The following ALK variants were observed in gnomAD, a reference collection of about 807,000 sequenced individuals.
ALK encodes ALK tyrosine kinase receptor.
Under a neutral mutation model 163.1 loss-of-function variants are expected in ALK, and 74 were observed. The observed-to-expected ratio is 0.45, with a 90% confidence interval of 0.38 to 0.55. The LOEUF is 0.55. Among genes scored for constraint, ALK ranks in the 20% least tolerant of loss-of-function variants. The probability of loss-of-function intolerance (pLI) is 0.00; values close to 1 mark genes in which losing one functional copy is unlikely to be tolerated. For synonymous variants in ALK, 960 were observed against 843.2 expected (o/e 1.14, Z -2.40); for missense variants, 2,063 against 2,105.3 (o/e 0.98, Z 0.39).
intron 1 of ALK, among the ~76,000 whole-genome samples, chr2:29,811,986 A>G (rs1664772133): frequency 1.3e-5 from 2 of 152,216 alleles, no homozygotes; most frequent in African/African-American, 4.8e-5. Context: ...TGAAACACAC[A>G]TGGCAAAGAT....
intron 3 of ALK, 137 bp downstream of exon 3, chr2:29,694,713 G>C (rs1212407672): frequency 4.2e-6 from 5 of 1,177,612 alleles, no homozygotes; most frequent in Non-Finnish European, 6.2e-6. Context: ...AGAAGCCATG[G>C]AAAGTCACAG....
rs564223229 is a variant in ALK, at chr2:29,396,441, C to T, written c.1155-12582G>A. 3.3e-5 allele frequency among the ~76,000 whole-genome samples: 5 copies of T among 152,186 alleles called. No individual in the cohort carries two copies. In the East Asian group the frequency reaches 5.8e-4, roughly 18 times the overall value. On this transcript the variant is annotated intron_variant, in intron 4 of 28. Transcript: ENST00000389048. ...CTGTAATCCCAGCACTTTAGGAGGC[C>T]GAGGTGGGCGGATCACGAGGTCAGG...
Position 29,522,000 on chromosome 2 carries a change from A to T in ALK, c.1154+9915T>A, listed in dbSNP as rs78813390. ...TCAAAGCCTTATAACTTTGCCATTT[A>T]TTGCGGACAGGAAGGACTGTATGCA... On this transcript the variant is annotated intron_variant, in intron 4 of 28. Coordinates refer to ENST00000389048, the MANE Select transcript of ALK (RefSeq NM_004304.5). Among the ~76,000 whole-genome samples, 1,039 of 152,316 alleles carry T rather than the reference A, an allele frequency of 6.8e-3. 19 individuals are homozygous for T. Among genetic ancestry groups the T allele is most frequent in the African/African-American group, 0.023 (960 of 41,576 alleles).
At chr2:29,785,000 G>A (rs1191732666) in intron 1 of ALK, among the ~76,000 whole-genome samples, 4 of 151,814 alleles carry the variant, frequency 2.6e-5, no homozygotes, top group Non-Finnish European at 5.9e-5. Flanking sequence ...GGATCAAGTC[G>A]AGCTGCCCTG....
At chr2:29,328,310 G>C (rs1228660278) in intron 6 of ALK, 40 bp downstream of exon 6, 3 of 1,613,722 alleles carry the variant, frequency 1.9e-6, no homozygotes, top group African/African-American at 2.7e-5. Context: ...TATGAGCATG[G>C]GCTGGGCTCA....
At chr2:29,209,409 G>A (rs559621640) in intron 25 of ALK, among the ~76,000 whole-genome samples, 1 of 152,034 alleles carries the variant, frequency 6.6e-6, no homozygotes. Context: ...AGGCATGGTG[G>A]TGCATGCCTG....
chr2:29,229,903 CTG>C lies in ALK; in HGVS notation c.2633-839_2633-838del, dbSNP rs202142588. ...CCTGGCAACAAAGGCAGCCTCAGGG[CTG>C]TGCTTCCCAATGCCTGGGGCTGCTT... On this transcript the variant is annotated intron_variant, in intron 15 of 28. Coordinates refer to ENST00000389048, the MANE Select transcript of ALK (RefSeq NM_004304.5). 3.6e-3 allele frequency among the ~76,000 whole-genome samples: 546 copies of C among 152,318 alleles called. 5 individuals carry two copies. The highest frequency in any genetic ancestry group is 0.012 in the African/African-American group (513 of 41,574).
chr2:29,759,375 C>T (rs761580938), intron 1 of ALK, among the ~76,000 whole-genome samples: 3 of 152,108 alleles, frequency 2.0e-5, no homozygotes, highest in Admixed American at 6.5e-5. Flanking sequence ...CCATGAGGTA[C>T]TAAGGAAGTT....
chr2:29,369,414 A>G (rs1170646620), intron 5 of ALK, among the ~76,000 whole-genome samples: 3 of 152,166 alleles, frequency 2.0e-5, no homozygotes, highest in African/African-American at 7.2e-5. Context: ...AAGAGAGATC[A>G]TCAGAGGATC....
intron 4 of ALK, among the ~76,000 whole-genome samples, chr2:29,508,454 C>G (rs1672401932): frequency 6.6e-6 from 1 of 151,956 alleles, no homozygotes; most frequent in South Asian, 2.1e-4. Flanking sequence ...GGACAAAAAA[C>G]CAAACACCGC....
intron 4 of ALK, among the ~76,000 whole-genome samples, chr2:29,438,950 C>T (rs1670470001): frequency 6.6e-6 from 1 of 152,174 alleles, no homozygotes; most frequent in African/African-American, 2.4e-5. Context: ...CTTTCTGGAG[C>T]TTGGCTATCT....
intron 1 of ALK, among the ~76,000 whole-genome samples, chr2:29,861,600 A>G (rs969722782): frequency 6.6e-6 from 1 of 152,208 alleles, no homozygotes; most frequent in African/African-American, 2.4e-5. Context: ...GAAAATCTTA[A>G]CAGATTAATA....
intron 19 of ALK, chr2:29,224,716 G>A (rs1663892901): frequency 4.6e-6 from 1 of 217,876 alleles, no homozygotes; most frequent in Non-Finnish European, 9.2e-6. Context: ...AAATTGCCGA[G>A]CACGTAGTAA....
chr2:29,765,140 CTA>C (rs1484636923), intron 1 of ALK, among the ~76,000 whole-genome samples: 2 of 152,160 alleles, frequency 1.3e-5, no homozygotes, highest in Non-Finnish European at 2.9e-5. Flanking sequence ...TCCTGTAGAA[CTA>C]TGAGCCAATT....
In ALK at chr2:29,430,001, T is replaced by A. The variant is rs141517390; in HGVS notation, c.1155-46142A>T. On this transcript the variant is annotated intron_variant, in intron 4 of 28. Coordinates refer to ENST00000389048, the MANE Select transcript of ALK (RefSeq NM_004304.5). The stretch of plus-strand genomic sequence containing the variant: ...AAAAATTTTTCAGGGAAATGGCATA[T>A]CCAATGCAAAATGAAGTTGAACCCC... Among the ~76,000 whole-genome samples the A allele has an allele frequency of 2.5e-3, 388 of 152,164 alleles. 3 individuals are homozygous for A. The highest frequency in any genetic ancestry group is 9.1e-3 in the African/African-American group (376 of 41,542).
Position 29,472,195 on chromosome 2 carries a change from C to T in ALK, c.1154+59720G>A, listed in dbSNP as rs528751192. Among the ~76,000 whole-genome samples the T allele has an allele frequency of 6.1e-4, 93 of 152,202 alleles. 1 individual carries two copies. Among genetic ancestry groups the T allele is most frequent in the Non-Finnish European group, 1.0e-4 (7 of 68,036 alleles). ...AGGCCCAAGTAGTGATGCCACCAGT[C>T]TACTGTTGGCATCAACCACCAGAAG... On this transcript the variant is annotated intron_variant, in intron 4 of 28. Transcript: ENST00000389048.
chr2:29,297,593 T>C (rs781256239), intron 8 of ALK, among the ~76,000 whole-genome samples: 1 of 152,238 alleles, frequency 6.6e-6, no homozygotes, highest in South Asian at 2.1e-4. Context: ...ACTTGACACC[T>C]GTGGCCACTG....
chr2:29,604,134 T>A lies in ALK; in HGVS notation c.953-72018A>T, dbSNP rs531471090. ...TCAAATCTGGCCCACTACCTATTTT[T>A]GTATAACTCAAGAGCTGAGAATAGA... On this transcript the variant is annotated intron_variant, in intron 3 of 28. Transcript: ENST00000389048. Among the ~76,000 whole-genome samples the A allele has an allele frequency of 7.2e-5, 11 of 151,996 alleles. No homozygotes were observed. The East Asian group carries it at 2.1e-3, about 30-fold the overall frequency.
At position 29,468,164 on chromosome 2, in the gene ALK, G is replaced by A. The variant is rs149752619; in HGVS notation, c.1154+63751C>T. Among the ~76,000 whole-genome samples the A allele has an allele frequency of 4.3e-4, 65 of 152,178 alleles. No individual in the cohort carries two copies. In the East Asian group the frequency reaches 9.7e-3, roughly 23 times the overall value. On this transcript the variant is annotated intron_variant, in intron 4 of 28. Transcript: ENST00000389048. ...TTGCTTCAGCCTTCCAAGTAGCTGGGACTACAGGCACGTGCCACCACACCC... is the reference window on the plus strand; with the variant it reads ...TTGCTTCAGCCTTCCAAGTAGCTGGAACTACAGGCACGTGCCACCACACCC...
Sources: gnomAD v4.1 joint callset for allele counts (sites outside exome capture counted in the v4.1 genomes callset) on GRCh38, gnomAD v4.1.1 for gene constraint, MANE v1.5 for transcripts, NCBI Gene and HGNC (gene_info 2026-07-23, HGNC 2026-07-21) for gene names.